The following HMG20A variants were observed in gnomAD, a reference collection of about 807,000 sequenced individuals.
The protein encoded by HMG20A is high mobility group 20A.
Under a neutral mutation model 43.9 loss-of-function variants are expected in HMG20A, and 17 were observed. The observed-to-expected ratio is 0.39, with a 90% CI of 0.27 to 0.58. The LOEUF (loss-of-function observed/expected upper bound fraction) is 0.58. Among genes scored for constraint, HMG20A ranks in the 20% least tolerant of loss-of-function variants. HMG20A has a pLI of 0.59. For synonymous variants in HMG20A, 132 were observed against 147.5 expected (o/e 0.89, Z 0.76); for missense variants, 341 against 438.2 (o/e 0.78, Z 1.98).
rs115665846 is a variant in HMG20A at position 77,445,777 on chromosome 15, T to C, written c.-4-12627T>C. ...TGCTAAGTGACTGATGGGCAGGCAG[T>C]GTATACAGCATGGATATGCTGGACA... On this transcript the variant is annotated intron_variant, in intron 1 of 9. Transcript: ENST00000336216. Among the ~76,000 whole-genome samples, 814 of 152,302 alleles carry C rather than the reference T, an allele frequency of 5.3e-3. 8 individuals carry two copies. The highest frequency in any genetic ancestry group is 0.019 in the African/African-American group (792 of 41,560).
chr15:77,470,136 A>G (rs187909843), intron 4 of HMG20A, among the ~76,000 whole-genome samples: 4 of 152,168 alleles, frequency 2.6e-5, no homozygotes, highest in Admixed American at 2.6e-4. Context: ...AGTATCCCCT[A>G]CATCTGGCTC....
In HMG20A at chr15:77,449,858, T is replaced by A. The variant is rs190113120; in HGVS notation, c.-4-8546T>A. Among the ~76,000 whole-genome samples, 118 of 152,312 alleles carry A rather than the reference T, an allele frequency of 7.7e-4. 1 individual carries two copies. The highest frequency in any genetic ancestry group is 7.7e-3 in the Admixed American group (118 of 15,298). ...GTCCATCACTCTTGGTGTTGGACAG[T>A]CTGTGAGTTTTGACAGATTTATAAT... On this transcript the variant is annotated intron_variant, in intron 1 of 9. Transcript: ENST00000336216.
At chr15:77,455,174 A>T (rs2072643000) in intron 1 of HMG20A, among the ~76,000 whole-genome samples, 1 of 151,430 alleles carries the variant, frequency 6.6e-6, no homozygotes, top group Non-Finnish European at 1.5e-5. Flanking sequence ...CATTGGTGTG[A>T]TCATCCCTAT....
intron 2 of HMG20A, among the ~76,000 whole-genome samples, chr15:77,460,279 G>T (rs961554605): frequency 6.6e-6 from 1 of 152,148 alleles, no homozygotes; most frequent in Admixed American, 6.6e-5. Flanking sequence ...ATATTTGAAG[G>T]TATACCAAAC....
Position 77,478,600 on chromosome 15 carries a change from G to C in HMG20A, c.907+90G>C. ...GTTTATGTTAGTACTGGTGTGGAGA[G>C]ATTGAAATCTCCTCCAGAGGAAAAT... On this transcript the variant is annotated intron_variant, in intron 8 of 9. Transcript: ENST00000336216. The C allele has an allele frequency of 3.2e-6, 3 of 944,828 alleles. No individual in the cohort carries two copies. The Admixed American group carries it at 6.7e-5, about 21-fold the overall frequency. 58.5% of individuals were successfully genotyped at this position (944,828 alleles called of 1,614,324 possible). A position where few individuals can be genotyped will look rare whatever the true frequency, so the allele number is the denominator to read the frequency against.
intron 3 of HMG20A, among the ~76,000 whole-genome samples, chr15:77,465,228 T>C (rs1338985973): frequency 1.8e-5 from 2 of 112,314 alleles, no homozygotes; most frequent in Non-Finnish European, 3.3e-5. Flanking sequence ...GCCACTGAAC[T>C]CCAGCCTGGG....
At chr15:77,442,340 T>A (rs1353562503) in intron 1 of HMG20A, among the ~76,000 whole-genome samples, 1 of 152,192 alleles carries the variant, frequency 6.6e-6, no homozygotes, top group Non-Finnish European at 1.5e-5. Context: ...TCACAACACT[T>A]TTTTCCCCTC....
rs541494466 is a variant in HMG20A at position 77,445,979 on chromosome 15, G to C, written c.-4-12425G>C. Reference sequence around the variant, plus strand: ...CTGGCAAAGCAGAACCACAGATAAGGGGGGACTACCGTCTATGCTGATTGA... The same window carrying C: ...CTGGCAAAGCAGAACCACAGATAAGCGGGGACTACCGTCTATGCTGATTGA... On this transcript the variant is annotated intron_variant, in intron 1 of 9. Coordinates refer to ENST00000336216, the MANE Select transcript of HMG20A (RefSeq NM_001304504.2). 2.4e-3 allele frequency among the ~76,000 whole-genome samples: 361 copies of C among 152,328 alleles called. 16 individuals carry two copies. In the South Asian group the frequency reaches 0.072, roughly 30 times the overall value.
At chr15:77,421,808 T>C (rs1242419331) in intron 1 of HMG20A, among the ~76,000 whole-genome samples, 1 of 152,274 alleles carries the variant, frequency 6.6e-6, no homozygotes, top group East Asian at 1.9e-4. Context: ...TTCTTCAGCC[T>C]TAAAAATTCT....
intron 1 of HMG20A, among the ~76,000 whole-genome samples, chr15:77,426,566 G>A (rs995237602): frequency 3.3e-5 from 5 of 152,228 alleles, no homozygotes; most frequent in African/African-American, 1.2e-4. Context: ...GAAGAGGAAA[G>A]GTTGGTCTTA....
At chr15:77,493,149 G>T in the HMG20A span, among the ~76,000 whole-genome samples, 3 of 152,146 alleles carry the variant, frequency 2.0e-5, no homozygotes, top group Admixed American at 6.5e-5. Context: ...TGGAAGAAAC[G>T]TGATTAAACA....
At position 77,464,726 on chromosome 15, in the gene HMG20A, C is replaced by T. The variant is rs2072738965; in HGVS notation, c.237+339C>T. The T allele has an allele frequency of 2.1e-5, 4 of 191,886 alleles. No individual in the cohort carries two copies. The South Asian group carries it at 3.2e-4, about 16-fold the overall frequency. The allele number at this position is 191,886 out of a possible 1,614,324, so 11.9% of individuals were successfully genotyped here. ...TGCTCAAGGCTCTGCTCAGCAAGCCCTGCTGCATGGAGCCCTATGTGCCCA... is the reference window on the plus strand; with the variant it reads ...TGCTCAAGGCTCTGCTCAGCAAGCCTTGCTGCATGGAGCCCTATGTGCCCA... On this transcript the variant is annotated intron_variant, in intron 3 of 9. Coordinates refer to ENST00000336216, the MANE Select transcript of HMG20A (RefSeq NM_001304504.2).
At chr15:77,517,601 ACT>A in the HMG20A span, among the ~76,000 whole-genome samples, 1 of 151,164 alleles carries the variant, frequency 6.6e-6, no homozygotes, top group Admixed American at 6.6e-5. Context: ...GCACAATTTC[ACT>A]CTTTCTGTTG....
chr15:77,448,968 T>G (rs554850215), intron 1 of HMG20A, among the ~76,000 whole-genome samples: 1 of 152,166 alleles, frequency 6.6e-6, no homozygotes, highest in African/African-American at 2.4e-5. Flanking sequence ...GAGAATTGCT[T>G]GAACCAGGAG....
At chr15:77,422,488 C>T (rs2073377348) in intron 1 of HMG20A, among the ~76,000 whole-genome samples, 2 of 152,066 alleles carry the variant, frequency 1.3e-5, no homozygotes, top group Admixed American at 1.3e-4. Context: ...TGGTGGCGTG[C>T]GCCTGTAGTC....
chr15:77,491,918 A>AAG, the HMG20A span, among the ~76,000 whole-genome samples: 2 of 152,206 alleles, frequency 1.3e-5, no homozygotes, highest in Non-Finnish European at 2.9e-5. Flanking sequence ...CTTGAATGTC[A>AAG]AGCCAAGGGT....
chr15:77,421,412 C>T (rs2073336015), intron 1 of HMG20A, among the ~76,000 whole-genome samples: 1 of 152,186 alleles, frequency 6.6e-6, no homozygotes, highest in Admixed American at 6.5e-5. Context: ...CATTTCCTCC[C>T]CAGCAAAATT....
Position 77,453,766 on chromosome 15 carries a change from C to T in HMG20A, c.-4-4638C>T, listed in dbSNP as rs767857110. On this transcript the variant is annotated intron_variant, in intron 1 of 9. Transcript: ENST00000336216. The stretch of plus-strand genomic sequence containing the variant: ...TAAAGCAGAATGAAATTCTGATACA[C>T]GCTACAATGTGAACCTTGAAAACTT... Among the ~76,000 whole-genome samples the T allele has an allele frequency of 2.6e-5, 4 of 152,186 alleles. 1 individual carries two copies. Among genetic ancestry groups the T allele is most frequent in the Non-Finnish European group, 2.9e-5 (2 of 68,026 alleles).
the HMG20A span, among the ~76,000 whole-genome samples, chr15:77,515,660 C>T: frequency 6.6e-6 from 1 of 152,184 alleles, no homozygotes; most frequent in Non-Finnish European, 1.5e-5. Context: ...AAATGTTAAG[C>T]ACACAGCTTG....
Sources: allele counts gnomAD v4.1 joint callset (sites outside exome capture counted in the v4.1 genomes callset), GRCh38; gene constraint gnomAD v4.1.1; transcripts MANE v1.5; gene names NCBI Gene and HGNC (gene_info 2026-07-23, HGNC 2026-07-21).